Variants in GRIN2B observed in about 807,000 individuals in gnomAD.
GRIN2B encodes glutamate ionotropic receptor NMDA type subunit 2B.
Under a neutral mutation model 114.5 loss-of-function variants are expected in GRIN2B, and 5 were observed. That is an observed-to-expected ratio of 0.04 (90% CI 0.02 to 0.09). The LOEUF (loss-of-function observed/expected upper bound fraction) is 0.09. GRIN2B is among the 10% of genes least tolerant of loss of function. GRIN2B has a pLI of 1.00. For synonymous variants in GRIN2B, 787 were observed against 745.1 expected, an observed-to-expected ratio of 1.06 and a Z score of -0.92; for missense variants, 1,108 against 1,943.5, an observed-to-expected ratio of 0.57 and a Z score of 8.08.
At chr12:13,640,293 T>C (rs140068284) in intron 5 of GRIN2B, among the ~76,000 whole-genome samples, 1 of 152,274 alleles carries the variant, frequency 6.6e-6, no homozygotes. Flanking sequence ...CAACTATATT[T>C]ATATGTAGAT....
At chr12:13,655,236 A>G (rs1949851535) in intron 5 of GRIN2B, among the ~76,000 whole-genome samples, 1 of 152,110 alleles carries the variant, frequency 6.6e-6, no homozygotes, top group South Asian at 2.1e-4. Context: ...ACTTCTTTCC[A>G]TGTACAAGAA....
At chr12:13,771,132 T>G (rs966849851) in intron 3 of GRIN2B, among the ~76,000 whole-genome samples, 1 of 152,160 alleles carries the variant, frequency 6.6e-6, no homozygotes, top group Non-Finnish European at 1.5e-5. Flanking sequence ...GGTCTTGTGA[T>G]AGTGTATAAG....
In GRIN2B at chr12:13,602,423, G is replaced by A. The variant is rs114038206; in HGVS notation, c.2010+6180C>T. ...GGTCTGAGCGAGATGTTCTGGGCCA[G>A]GAAAAGGGTGTGACAGATCGGGCTG... On this transcript the variant is annotated intron_variant, in intron 10 of 13. Coordinates refer to ENST00000609686, the MANE Select transcript of GRIN2B (RefSeq NM_000834.5). Among the ~76,000 whole-genome samples, 399 of 152,338 alleles carry A rather than the reference G, an allele frequency of 2.6e-3. 3 individuals are homozygous for A. The highest frequency in any genetic ancestry group is 9.2e-3 in the African/African-American group (383 of 41,562).
intron 2 of GRIN2B, among the ~76,000 whole-genome samples, chr12:13,898,369 C>T (rs1015885461): frequency 6.6e-6 from 1 of 152,216 alleles, no homozygotes; most frequent in African/African-American, 2.4e-5. Context: ...ATAATCAAAG[C>T]AGAGACAAGT....
chr12:13,625,125 A>C (rs1158883268), intron 5 of GRIN2B, among the ~76,000 whole-genome samples: 1 of 152,206 alleles, frequency 6.6e-6, no homozygotes, highest in Non-Finnish European at 1.5e-5. Context: ...TGCCACTAAA[A>C]AAGGTGGATA....
At chr12:13,957,638 C>T (rs889149991) in intron 2 of GRIN2B, among the ~76,000 whole-genome samples, 12 of 152,284 alleles carry the variant, frequency 7.9e-5, no homozygotes, top group African/African-American at 2.4e-4. Context: ...TATAAGGCTA[C>T]TAGAAGGGAA....
At chr12:13,843,743 A>C (rs1228054540) in intron 3 of GRIN2B, among the ~76,000 whole-genome samples, 1 of 152,204 alleles carries the variant, frequency 6.6e-6, no homozygotes, top group Non-Finnish European at 1.5e-5. Context: ...TTGCAAATCT[A>C]TCAAGATCCC....
chr12:13,845,292 G>A (rs1054832667), intron 3 of GRIN2B, among the ~76,000 whole-genome samples: 1 of 152,036 alleles, frequency 6.6e-6, no homozygotes, highest in African/African-American at 2.4e-5. Flanking sequence ...AGCCCCAAAT[G>A]TCATTAATAT....
intron 2 of GRIN2B, among the ~76,000 whole-genome samples, chr12:13,909,078 C>G (rs989005649): frequency 6.6e-6 from 1 of 152,162 alleles, no homozygotes; most frequent in African/African-American, 2.4e-5. Flanking sequence ...CATGAATATA[C>G]TTTCTTCTCT....
intron 3 of GRIN2B, among the ~76,000 whole-genome samples, chr12:13,845,970 C>T (rs1375129276): frequency 6.6e-6 from 1 of 152,150 alleles, no homozygotes; most frequent in African/African-American, 2.4e-5. Context: ...TCACCCTGAA[C>T]CCTGTGCATT....
chr12:13,923,903 A>T (rs113782082), intron 2 of GRIN2B, among the ~76,000 whole-genome samples: 13 of 152,298 alleles, frequency 8.5e-5, no homozygotes, highest in African/African-American at 2.9e-4. Context: ...CAACTCACCT[A>T]CATTGCTTTT....
At chr12:13,769,835 C>T (rs543368118) in intron 3 of GRIN2B, among the ~76,000 whole-genome samples, 6 of 152,174 alleles carry the variant, frequency 3.9e-5, no homozygotes, top group Non-Finnish European at 7.3e-5. Flanking sequence ...CTGCATGAAA[C>T]CCTGGGATAT....
At chr12:13,678,947 CA>C (rs1176177004) in intron 4 of GRIN2B, among the ~76,000 whole-genome samples, 1 of 149,026 alleles carries the variant, frequency 6.7e-6, no homozygotes, top group Non-Finnish European at 1.5e-5. Flanking sequence ...AATTTGGTCT[CA>C]TCTATTTTGA....
At chr12:13,742,163 C>G (rs1378543493) in intron 4 of GRIN2B, among the ~76,000 whole-genome samples, 1 of 152,100 alleles carries the variant, frequency 6.6e-6, no homozygotes, top group East Asian at 1.9e-4. Flanking sequence ...GATTTTTATG[C>G]AGGGTATATG....
chr12:13,927,834 G>A (rs988798531), intron 2 of GRIN2B, among the ~76,000 whole-genome samples: 1 of 151,688 alleles, frequency 6.6e-6, no homozygotes, highest in African/African-American at 2.4e-5. Context: ...GGGTGTTGTG[G>A]TACATGCCTG....
intron 2 of GRIN2B, among the ~76,000 whole-genome samples, chr12:13,912,939 C>T (rs1201363624): frequency 1.3e-5 from 2 of 152,170 alleles, no homozygotes; most frequent in African/African-American, 2.4e-5. Flanking sequence ...CCTGGTCCTA[C>T]AGGCTAGAAT....
intron 10 of GRIN2B, among the ~76,000 whole-genome samples, chr12:13,607,321 A>T (rs1257390587): frequency 8.4e-5 from 5 of 59,264 alleles, no homozygotes; most frequent in Non-Finnish European, 1.2e-4. Context: ...ATAATATAAA[A>T]TATATAATAT....
intron 3 of GRIN2B, among the ~76,000 whole-genome samples, chr12:13,761,860 C>T (rs1409091564): frequency 6.6e-6 from 1 of 152,090 alleles, no homozygotes; most frequent in Non-Finnish European, 1.5e-5. Context: ...ACATATTAAA[C>T]TAAGTGTTAA....
chr12:13,718,497 C>T (rs1264086273), intron 4 of GRIN2B, among the ~76,000 whole-genome samples: 4 of 151,996 alleles, frequency 2.6e-5, no homozygotes, highest in Non-Finnish European at 4.4e-5. Context: ...GAGGAGAAGC[C>T]GGACTTGTTA....
Sources: allele counts gnomAD v4.1 joint callset (sites outside exome capture counted in the v4.1 genomes callset), GRCh38; gene constraint gnomAD v4.1.1; transcripts MANE v1.5; gene names NCBI Gene and HGNC (gene_info 2026-07-23, HGNC 2026-07-21).